TMEM132D: variants seen among roughly 807,000 people sequenced by gnomAD.
TMEM132D encodes transmembrane protein 132D.
Under a neutral mutation model 62.3 loss-of-function variants are expected in TMEM132D, and 21 were observed. The ratio of observed to expected loss-of-function variants is 0.34; its 90% confidence interval spans 0.24 to 0.49. The LOEUF (loss-of-function observed/expected upper bound fraction) is 0.49, where lower values mean the gene tolerates loss of function less well. TMEM132D is among the 20% of genes least tolerant of loss of function. The probability of loss-of-function intolerance (pLI) is 0.99; values close to 1 mark genes in which losing one functional copy is unlikely to be tolerated. For missense variants in TMEM132D, 1,346 were observed against 1,402.8 expected (o/e 0.96, Z 0.65); for synonymous variants, 621 against 575.6 (o/e 1.08, Z -1.13).
intron 4 of TMEM132D, among the ~76,000 whole-genome samples, chr12:129,254,602 G>A (rs1417323964): frequency 6.6e-6 from 1 of 152,082 alleles, no homozygotes; most frequent in Non-Finnish European, 1.5e-5. Flanking sequence ...AGAGCTTAAC[G>A]CCGTGCTTTG....
intron 4 of TMEM132D, among the ~76,000 whole-genome samples, chr12:129,271,245 C>T (rs939897254): frequency 1.3e-5 from 2 of 149,226 alleles, no homozygotes; most frequent in East Asian, 1.9e-4. Flanking sequence ...ACTGGGAGCC[C>T]CCTCCGTGGA....
At chr12:129,726,978 C>T (rs536467019) in intron 1 of TMEM132D, among the ~76,000 whole-genome samples, 1 of 152,274 alleles carries the variant, frequency 6.6e-6, no homozygotes, top group South Asian at 2.1e-4. Context: ...CTCCCCACCT[C>T]AGTGTGGATT....
intron 1 of TMEM132D, among the ~76,000 whole-genome samples, chr12:129,901,745 A>C (rs1159416642): frequency 1.3e-5 from 2 of 152,192 alleles, no homozygotes; most frequent in Non-Finnish European, 2.9e-5. Context: ...TAAGTGAAAA[A>C]ACACAATAGT....
chr12:129,480,803 T>G (rs73429756), intron 3 of TMEM132D, among the ~76,000 whole-genome samples: 2,471 of 152,248 alleles, frequency 0.016, 70 homozygotes, highest in African/African-American at 0.056. Flanking sequence ...TCGAATGAAG[T>G]GCATGTGTCC....
intron 1 of TMEM132D, among the ~76,000 whole-genome samples, chr12:129,747,120 C>T (rs1347304555): frequency 2.0e-5 from 1 of 50,152 alleles, no homozygotes; most frequent in Non-Finnish European, 5.1e-5. Context: ...AGCCAAGGTC[C>T]TCATAACCGC....
intron 2 of TMEM132D, among the ~76,000 whole-genome samples, chr12:129,556,878 G>T (rs1427072680): frequency 6.6e-6 from 1 of 152,148 alleles, no homozygotes; most frequent in Non-Finnish European, 1.5e-5. Flanking sequence ...GGAGAGAAAT[G>T]CTCCAGAATA....
At chr12:129,267,378 C>T (rs56129738) in intron 4 of TMEM132D, among the ~76,000 whole-genome samples, 13,737 of 152,020 alleles carry the variant, frequency 0.09, 785 homozygotes, top group Admixed American at 0.18. Context: ...CAAGCATTCT[C>T]ACACACCAAT....
chr12:129,396,867 A>G (rs1871446491), intron 3 of TMEM132D, among the ~76,000 whole-genome samples: 1 of 152,306 alleles, frequency 6.6e-6, no homozygotes, highest in South Asian at 2.1e-4. Flanking sequence ...GAGGCAATCT[A>G]TGCCTATCTT....
At chr12:129,730,910 T>C (rs1027901092) in intron 1 of TMEM132D, among the ~76,000 whole-genome samples, 4 of 152,090 alleles carry the variant, frequency 2.6e-5, no homozygotes, top group Non-Finnish European at 2.9e-5. Flanking sequence ...TTCCCTACTT[T>C]TGAGGTTTTG....
At chr12:129,421,642 T>A (rs1872327705) in intron 3 of TMEM132D, among the ~76,000 whole-genome samples, 2 of 152,260 alleles carry the variant, frequency 1.3e-5, no homozygotes, top group South Asian at 4.1e-4. Flanking sequence ...GATGTCCTAA[T>A]GTTGACTTCC....
At chr12:129,421,606 T>C (rs1872326590) in intron 3 of TMEM132D, among the ~76,000 whole-genome samples, 1 of 152,204 alleles carries the variant, frequency 6.6e-6, no homozygotes. Context: ...GAAACCTGAA[T>C]CAATAGATTT....
chr12:129,205,540 G>T (rs1024341484), intron 5 of TMEM132D, among the ~76,000 whole-genome samples: 6 of 152,150 alleles, frequency 3.9e-5, no homozygotes, highest in Non-Finnish European at 8.8e-5. Flanking sequence ...CCTAGGAAGA[G>T]ACTTAGATCC....
chr12:129,894,746 C>CT (rs62744062), intron 1 of TMEM132D, among the ~76,000 whole-genome samples: 13 of 150,190 alleles, frequency 8.7e-5, no homozygotes, highest in South Asian at 6.4e-4. Flanking sequence ...TGTAGTTTCT[C>CT]TTTTTTTTTT....
At chr12:129,289,853 C>G (rs1443980481) in intron 4 of TMEM132D, among the ~76,000 whole-genome samples, 1 of 152,126 alleles carries the variant, frequency 6.6e-6, no homozygotes, top group African/African-American at 2.4e-5. Context: ...CTCTGTCAAT[C>G]AATCCATCAA....
intron 5 of TMEM132D, among the ~76,000 whole-genome samples, chr12:129,166,045 AAGT>A (rs1466825746): frequency 2.0e-5 from 3 of 152,216 alleles, no homozygotes; most frequent in African/African-American, 7.2e-5. Context: ...TGGGTGATGA[AAGT>A]CAGGTTCAGC....
chr12:129,357,742 C>T (rs997753173), intron 3 of TMEM132D, among the ~76,000 whole-genome samples: 3 of 152,174 alleles, frequency 2.0e-5, no homozygotes, highest in Non-Finnish European at 4.4e-5. Flanking sequence ...CCAAGAGGTG[C>T]TAGCTCCACT....
At chr12:129,408,715 T>C (rs910002064) in intron 3 of TMEM132D, among the ~76,000 whole-genome samples, 1 of 152,168 alleles carries the variant, frequency 6.6e-6, no homozygotes, top group Non-Finnish European at 1.5e-5. Flanking sequence ...TTATGAACTC[T>C]CTGTAATAAT....
rs920665054 is a variant in TMEM132D, at chr12:129,572,289, G to A, written c.969-41084C>T. 7.2e-5 allele frequency among the ~76,000 whole-genome samples: 11 copies of A among 152,334 alleles called. No homozygotes were observed. In the East Asian group the frequency reaches 7.7e-4, roughly 11 times the overall value. ...TGGAATAAGGTCGTGCTGCCTTGAC[G>A]CCGCCTGTTGAATTGTGTGGAGCTG... On this transcript the variant is annotated intron_variant, in intron 2 of 8. Transcript: ENST00000422113.
chr12:129,358,908 G>GATTGAGGA, intron 3 of TMEM132D, among the ~76,000 whole-genome samples: 1 of 152,028 alleles, frequency 6.6e-6, no homozygotes, highest in South Asian at 2.1e-4. Context: ...GAGGGCTTGG[G>GATTGAGGA]ATTGAGGAAG....
Sources: gnomAD v4.1 joint callset for allele counts (sites outside exome capture counted in the v4.1 genomes callset) on GRCh38, gnomAD v4.1.1 for gene constraint, MANE v1.5 for transcripts, NCBI Gene and HGNC (gene_info 2026-07-23, HGNC 2026-07-21) for gene names.